Variants in IL21R observed in about 807,000 individuals in gnomAD.
The protein encoded by IL21R is interleukin-21 receptor.
A neutral mutation model predicts 41.3 loss-of-function variants in IL21R; 14 were observed. The ratio of observed to expected loss-of-function variants is 0.34; its 90% CI spans 0.22 to 0.53. IL21R has a LOEUF of 0.53. Among genes scored for constraint, IL21R ranks in the 20% least tolerant of loss-of-function variants. The pLI, the probability that IL21R is intolerant of heterozygous loss-of-function variation, is 0.94. For synonymous variants in IL21R, 286 were observed against 287.6 expected, an observed-to-expected ratio of 0.99 and a Z score of 0.05; for missense variants, 588 against 681.6, an observed-to-expected ratio of 0.86 and a Z score of 1.53.
intron 1 of IL21R, among the ~76,000 whole-genome samples, chr16:27,413,003 G>A (rs989003680): frequency 1.3e-5 from 2 of 151,978 alleles, no homozygotes; most frequent in African/African-American, 4.8e-5. Flanking sequence ...ACTTCCAGTT[G>A]AATAGAAATG....
At chr16:27,411,454 CTTTTTTTTTTTT>C (rs59761925) in intron 1 of IL21R, among the ~76,000 whole-genome samples, 11 of 58,104 alleles carry the variant, frequency 1.9e-4, no homozygotes, top group Admixed American at 4.9e-4. Flanking sequence ...GTCCTTTGTC[CTTTTTTTTTTTT>C]TTTTTTTTTT....
chr16:27,416,298 G>A (rs1328367593), intron 1 of IL21R, among the ~76,000 whole-genome samples: 1 of 151,962 alleles, frequency 6.6e-6, no homozygotes, highest in Non-Finnish European at 1.5e-5. Flanking sequence ...CACCACACCT[G>A]GCTAATTTTT....
chr16:27,426,650 G>A (rs179762), intron 1 of IL21R, among the ~76,000 whole-genome samples: 124,790 of 152,296 alleles, frequency 0.82, 51,793 homozygotes, highest in East Asian at 0.99. Context: ...TTCACAGTCC[G>A]TGAAGCACTA....
intron 4 of IL21R, among the ~76,000 whole-genome samples, chr16:27,440,761 A>G (rs144800330): frequency 6.6e-6 from 1 of 152,236 alleles, no homozygotes; most frequent in Non-Finnish European, 1.5e-5. Context: ...ATTGAAAGTG[A>G]AGAAGGTGGC....
intron 8 of IL21R, 52 bp downstream of exon 8, chr16:27,446,140 G>A: frequency 1.4e-6 from 2 of 1,476,722 alleles, no homozygotes; most frequent in South Asian, 1.2e-5. Context: ...TCCTCTTCAG[G>A]AGCCCCACCT....
intron 1 of IL21R, among the ~76,000 whole-genome samples, chr16:27,410,055 A>G (rs1191887728): frequency 3.3e-5 from 5 of 152,120 alleles, no homozygotes; most frequent in African/African-American, 1.2e-4. Flanking sequence ...TTGTACATCA[A>G]CTAGGTGCAG....
intron 1 of IL21R, among the ~76,000 whole-genome samples, chr16:27,422,553 C>G (rs1304179379): frequency 6.6e-6 from 1 of 152,088 alleles, no homozygotes; most frequent in Non-Finnish European, 1.5e-5. Flanking sequence ...TCTGATGTTA[C>G]TAGTATGTTG....
chr16:27,445,348 G>A, intron 7 of IL21R, 72 bp downstream of exon 7: 1 of 947,680 alleles, frequency 1.1e-6, no homozygotes, highest in South Asian at 1.4e-5. Flanking sequence ...TACATGCAGG[G>A]TTGGAAAACA....
intron 1 of IL21R, among the ~76,000 whole-genome samples, chr16:27,425,885 C>G (rs1021798363): frequency 2.0e-5 from 3 of 152,136 alleles, no homozygotes; most frequent in Non-Finnish European, 2.9e-5. Context: ...CAAAGACAAA[C>G]CACATCTCCA....
In IL21R at chr16:27,451,130, C is replaced by T. The variant is rs1206654589; in HGVS notation, c.*1847C>T. On this transcript the variant is annotated 3_prime_UTR_variant, in exon 9 of 9. Coordinates refer to ENST00000337929, the MANE Select transcript of IL21R (RefSeq NM_181078.3). ...TGCACGGAGCAGGCGCAGCCCTCAA[C>T]ACCCCGTGCACCTGCACCCTAGGGA... 1 of 232,756 alleles carries T rather than the reference C, an allele frequency of 4.3e-6. No individual in the cohort carries two copies. Among genetic ancestry groups the T allele is most frequent in the African/African-American group, 2.2e-5 (1 of 45,316 alleles). The allele number at this position is 232,756 out of a possible 1,614,324, so 14.4% of individuals were successfully genotyped here. A position where few individuals can be genotyped will look rare whatever the true frequency, so the allele number is the denominator to read the frequency against.
chr16:27,441,879 C>G (rs938237964), intron 4 of IL21R, among the ~76,000 whole-genome samples: 3 of 152,142 alleles, frequency 2.0e-5, no homozygotes, highest in African/African-American at 4.8e-5. Context: ...AGTGTGGTCG[C>G]ATCCACCTGT....
At chr16:27,405,970 G>A (rs928871795) in intron 1 of IL21R, among the ~76,000 whole-genome samples, 1 of 152,262 alleles carries the variant, frequency 6.6e-6, no homozygotes, top group Non-Finnish European at 1.5e-5. Flanking sequence ...CCGGGGAGTT[G>A]GGGCAAGTGC....
intron 1 of IL21R, among the ~76,000 whole-genome samples, chr16:27,406,423 G>T (rs179771): frequency 1.3e-5 from 2 of 151,056 alleles, no homozygotes; most frequent in South Asian, 2.1e-4. Context: ...GCGGGTGCTG[G>T]GACTGGGACC....
chr16:27,448,394 G>T (rs1217425776), intron 8 of IL21R, 140 bp from the exon 9 acceptor site: 1 of 845,040 alleles, frequency 1.2e-6, no homozygotes, highest in Non-Finnish European at 1.8e-6. Flanking sequence ...GGCAGAGGTT[G>T]CAGTGAACCG....
chr16:27,436,763 C>T (rs2087278221), intron 3 of IL21R, among the ~76,000 whole-genome samples: 1 of 152,074 alleles, frequency 6.6e-6, no homozygotes, highest in South Asian at 2.1e-4. Flanking sequence ...TCAGCACAGG[C>T]TATTATTAGA....
At position 27,416,427 on chromosome 16, in the gene IL21R, C is replaced by T. The variant is rs558731874; in HGVS notation, c.-16-13629C>T. 1.8e-3 allele frequency among the ~76,000 whole-genome samples: 270 copies of T among 152,210 alleles called. 2 individuals carry two copies. The highest frequency in any genetic ancestry group is 0.01 in the Middle Eastern group (3 of 294). ...TGCTGGGATTACAGGCGTGAACCAC[C>T]GCACCCAGCCTAATTCATATATTTA... On this transcript the variant is annotated intron_variant, in intron 1 of 8. Transcript: ENST00000337929.
intron 2 of IL21R, among the ~76,000 whole-genome samples, chr16:27,432,606 G>C (rs1489482187): frequency 1.3e-5 from 2 of 152,202 alleles, no homozygotes; most frequent in Non-Finnish European, 2.9e-5. Context: ...CTCTGAGAAA[G>C]AACCACGAGG....
chr16:27,444,591 T>G lies in IL21R; in HGVS notation c.557T>G (p.Leu186Arg). The G allele has an allele frequency of 6.4e-7, 1 of 1,569,696 alleles. No homozygotes were observed. Among genetic ancestry groups the G allele is most frequent in the Middle Eastern group, 1.7e-4 (1 of 5,916 alleles). ...GTGGACTCAAGAAGTGTCTCCCTCC[T>G]CCCCCTGGAGTTCCGCAAAGACTCG... is the stretch of plus-strand genomic sequence containing the variant. ...ISVDSRSVSL[L>R]PLEFRKDSSY... The change falls in exon 6 of 9, where the codon CTC becomes CGC. Residue 186 changes from leucine to arginine, a missense_variant. Leu to Arg is a moderately radical substitution (Grantham distance 102). Coordinates refer to ENST00000337929, the MANE Select transcript of IL21R (RefSeq NM_181078.3).
intron 1 of IL21R, among the ~76,000 whole-genome samples, chr16:27,423,568 T>A (rs1352056937): frequency 6.6e-6 from 1 of 152,172 alleles, no homozygotes; most frequent in Non-Finnish European, 1.5e-5. Flanking sequence ...ACCTAAACAA[T>A]ATATAGGATG....
Sources: allele counts gnomAD v4.1 joint callset (sites outside exome capture counted in the v4.1 genomes callset), GRCh38; gene constraint gnomAD v4.1.1; transcripts MANE v1.5; gene names NCBI Gene and HGNC (gene_info 2026-07-23, HGNC 2026-07-21).